Variants in DDX43 observed in about 807,000 individuals in gnomAD.
The protein encoded by DDX43 is probable ATP-dependent RNA helicase DDX43.
In DDX43, 50 loss-of-function variants were observed where a neutral mutation model predicts 84.9. The ratio of observed to expected loss-of-function variants is 0.59; its 90% CI spans 0.47 to 0.75. The LOEUF (loss-of-function observed/expected upper bound fraction) is 0.75, where lower values mean the gene tolerates loss of function less well. Among genes scored for constraint, DDX43 ranks in the 30% least tolerant of loss-of-function variants. The pLI is 0.00. For missense variants in DDX43, 689 were observed against 798.6 expected (o/e 0.86, Z 1.65); for synonymous variants, 291 against 266.3 (o/e 1.09, Z -0.90).
chr6:73,406,075 A>G (rs1191481565), intron 6 of DDX43, among the ~76,000 whole-genome samples: 3 of 151,480 alleles, frequency 2.0e-5, no homozygotes, highest in South Asian at 2.1e-4. Flanking sequence ...CCAGGCTGGA[A>G]TGCAGTGGTG....
rs760646488 is a variant in DDX43, at chr6:73,397,677, T to A, written c.251-12T>A. On this transcript the variant is annotated splice_polypyrimidine_tract_variant and intron_variant, in intron 1 of 16. Coordinates refer to ENST00000370336, the MANE Select transcript of DDX43 (RefSeq NM_018665.3). ...AACTTATAACAATATATTCCTTTATTTTTAAAAACAGGTCGTGGTGGGTCA... is the reference window on the plus strand; with the variant it reads ...AACTTATAACAATATATTCCTTTATATTTAAAAACAGGTCGTGGTGGGTCA... 1 of 1,602,296 alleles carries A rather than the reference T, an allele frequency of 6.2e-7. No individual in the cohort carries two copies. Among genetic ancestry groups the A allele is most frequent in the Non-Finnish European group, 8.5e-7 (1 of 1,169,754 alleles).
At chr6:73,397,571 T>C in intron 1 of DDX43, 118 bp from the exon 2 acceptor site, 1 of 808,050 alleles carries the variant, frequency 1.2e-6, no homozygotes, top group Non-Finnish European at 2.0e-6. Flanking sequence ...AAAATGATTG[T>C]TGAACCCTAG....
intron 4 of DDX43, 29 bp from the exon 5 acceptor site, chr6:73,404,661 C>T: frequency 6.5e-7 from 1 of 1,531,426 alleles, no homozygotes; most frequent in South Asian, 1.2e-5. Context: ...TAAAATTTAT[C>T]AAAGTGTGGA....
At chr6:73,414,880 G>C (rs1769871695) in intron 14 of DDX43, among the ~76,000 whole-genome samples, 194 bp downstream of exon 14, 1 of 152,038 alleles carries the variant, frequency 6.6e-6, no homozygotes, top group Non-Finnish European at 1.5e-5. Context: ...TCCATGATTA[G>C]CTTCTTATAT....
chr6:73,415,861 T>TA (rs1267569753), intron 15 of DDX43, among the ~76,000 whole-genome samples: 1 of 152,082 alleles, frequency 6.6e-6, no homozygotes, highest in African/African-American at 2.4e-5. Flanking sequence ...AGGGGGAACA[T>TA]ATTCAGGCTC....
Position 73,398,407 on chromosome 6 carries a change from A to G in DDX43, c.306+663A>G, listed in dbSNP as rs541888786. Among the ~76,000 whole-genome samples, 156 of 151,838 alleles carry G rather than the reference A, an allele frequency of 1.0e-3. 1 individual carries two copies. Among genetic ancestry groups the G allele is most frequent in the Non-Finnish European group, 1.8e-3 (124 of 67,910 alleles). On this transcript the variant is annotated intron_variant, in intron 2 of 16. Coordinates refer to ENST00000370336, the MANE Select transcript of DDX43 (RefSeq NM_018665.3). ...GCTGGGATTACAGGCCCCCGCCACC[A>G]TATCTGGCTAATTTTTGTATTTTTA...
Position 73,409,319 on chromosome 6 carries a change from G to A in DDX43, c.1251G>A (p.Val417=). 1.2e-6 allele frequency: 2 copies of A among 1,614,052 alleles called. 1 individual carries two copies. The highest frequency in any genetic ancestry group is 2.2e-5 in the South Asian group (2 of 91,078). Residue 417 remains valine, a synonymous_variant, in exon 10 of 17, where the codon GTG becomes GTA. Coordinates refer to ENST00000370336, the MANE Select transcript of DDX43 (RefSeq NM_018665.3). ...AGATAATGAAGATTTTGTTAGATGT[G>A]CGCCCAGATAGGCAGACAGTTATGA... ...EPQIMKILLD[V]RPDRQTVMTS...
intron 1 of DDX43, among the ~76,000 whole-genome samples, chr6:73,396,245 A>G (rs905805901): frequency 2.6e-5 from 4 of 152,150 alleles, no homozygotes; most frequent in African/African-American, 9.7e-5. Context: ...AGCCCGGCCC[A>G]TTTCTGAATT....
Position 73,406,436 on chromosome 6 carries a change from T to C in DDX43, c.880T>C (p.Leu294=), listed in dbSNP as rs1366480276. Residue 294 remains leucine (L), a synonymous_variant, in exon 7 of 17, where the codon TTG becomes CTG. Coordinates refer to ENST00000370336, the MANE Select transcript of DDX43 (RefSeq NM_018665.3). ...AGCCCAGACTGGAACAGGAAAGACA[T>C]TGTGTTATTTAATGCCTGGATTTAT... is the stretch of plus-strand genomic sequence containing the variant. ...GVAQTGTGKT[L]CYLMPGFIHL... is the part of the protein sequence containing the mutation. The C allele has an allele frequency of 6.2e-7, 1 of 1,613,598 alleles. No homozygotes were observed. Among genetic ancestry groups the C allele is most frequent in the Non-Finnish European group, 8.5e-7 (1 of 1,179,642 alleles).
chr6:73,408,183 C>T (rs1183478095), intron 9 of DDX43, 82 bp downstream of exon 9: 49 of 1,464,250 alleles, frequency 3.3e-5, no homozygotes, highest in South Asian at 3.3e-4. Flanking sequence ...GCCTGTAATC[C>T]GAGCACTTTG....
intron 1 of DDX43, among the ~76,000 whole-genome samples, chr6:73,396,304 C>T (rs1336876288): frequency 1.3e-5 from 2 of 152,146 alleles, no homozygotes; most frequent in Admixed American, 1.3e-4. Context: ...CCATTGATTG[C>T]CATTAAGCCC....
At chr6:73,414,716 C>A (rs768430949) in intron 14 of DDX43, 30 bp downstream of exon 14, 8 of 1,585,290 alleles carry the variant, frequency 5.0e-6, no homozygotes, top group Non-Finnish European at 6.9e-6. Flanking sequence ...CCATGAAAGG[C>A]CAATTCTAGA....
rs144817971 is a variant in DDX43, at chr6:73,408,132, G to T, written c.1179+31G>T. On this transcript the variant is annotated intron_variant, in intron 9 of 16. Transcript: ENST00000370336. Reference sequence around the variant, plus strand: ...CATGGAAATAGGGGTTTGAGATGCTGGGTTCAAAAATAACTGAACTGGCCG... The same window carrying T: ...CATGGAAATAGGGGTTTGAGATGCTTGGTTCAAAAATAACTGAACTGGCCG... 5.9e-4 allele frequency: 953 copies of T among 1,608,920 alleles called. 2 individuals are homozygous for T. The highest frequency in any genetic ancestry group is 6.9e-4 in the Non-Finnish European group (811 of 1,178,022).
At chr6:73,412,392 C>A in intron 11 of DDX43, 100 bp downstream of exon 11, 2 of 819,530 alleles carry the variant, frequency 2.4e-6, no homozygotes, top group Non-Finnish European at 2.0e-6. Context: ...AATTTTAGGG[C>A]AAATCACACT....
rs1186848908 is a variant in DDX43, at chr6:73,416,214, G to A, written c.1935G>A (p.Lys645=). The stretch of plus-strand genomic sequence containing the variant: ...TGGAAAGACCTCAAGGAAGGCCCAA[G>A]AAGTTTCATTAATGTCTTCTGTACT... ...RKMERPQGRP[K]KFH The change falls in exon 16 of 17, where the codon AAG becomes AAA. Residue 645 remains lysine (K), a synonymous_variant. Coordinates refer to ENST00000370336, the MANE Select transcript of DDX43 (RefSeq NM_018665.3). 1 of 1,574,534 alleles carries A rather than the reference G, an allele frequency of 6.4e-7. No homozygotes were observed. Among genetic ancestry groups the A allele is most frequent in the Non-Finnish European group, 8.7e-7 (1 of 1,144,054 alleles).
At position 73,414,213 on chromosome 6, in the gene DDX43, C is replaced by T. The variant is rs551438745; in HGVS notation, c.1606+134C>T. 62 of 618,040 alleles carry T rather than the reference C, an allele frequency of 1.0e-4. 2 individuals carry two copies. In the South Asian group the frequency reaches 1.3e-3, roughly 13 times the overall value. The allele number at this position is 618,040 out of a possible 1,614,324, so 38.3% of individuals were successfully genotyped here. A position where few individuals can be genotyped will look rare whatever the true frequency, so the allele number is the denominator to read the frequency against. On this transcript the variant is annotated intron_variant, in intron 13 of 16. Coordinates refer to ENST00000370336, the MANE Select transcript of DDX43 (RefSeq NM_018665.3). ...ACCTTCTGTATCCTACAACTACACTCATTAGAGCTCTAAACATTAATCTGC... is the reference window on the plus strand; with the variant it reads ...ACCTTCTGTATCCTACAACTACACTTATTAGAGCTCTAAACATTAATCTGC...
At chr6:73,397,590 G>C in intron 1 of DDX43, 99 bp from the exon 2 acceptor site, 1 of 926,194 alleles carries the variant, frequency 1.1e-6, no homozygotes, top group Non-Finnish European at 1.7e-6. Context: ...AGGAGCATTT[G>C]GGGGGAAGAA....
intron 3 of DDX43, among the ~76,000 whole-genome samples, chr6:73,400,635 G>T (rs72958098): frequency 3.9e-5 from 6 of 152,116 alleles, no homozygotes; most frequent in Non-Finnish European, 7.4e-5. Flanking sequence ...TTTTGTCTTT[G>T]TATTAATCTA....
chr6:73,413,917 C>A, intron 12 of DDX43, 53 bp from the exon 13 acceptor site: 1 of 1,527,772 alleles, frequency 6.5e-7, no homozygotes. Flanking sequence ...AGAAGTAAAA[C>A]TGGTGGCATT....
Sources: gnomAD v4.1 joint callset for allele counts (sites outside exome capture counted in the v4.1 genomes callset) on GRCh38, gnomAD v4.1.1 for gene constraint, MANE v1.5 for transcripts, NCBI Gene and HGNC (gene_info 2026-07-23, HGNC 2026-07-21) for gene names.